SNTB2: variants seen among roughly 807,000 people sequenced by gnomAD.
The protein encoded by SNTB2 is syntrophin beta 2, also known as beta-2-syntrophin.
In SNTB2, 34 loss-of-function variants were observed where a neutral mutation model predicts 46.2. The ratio of observed to expected loss-of-function variants is 0.74; its 90% CI spans 0.56 to 0.98. The LOEUF is 0.98. SNTB2 is among the 50% of genes least tolerant of loss of function. The pLI is 0.00. For missense variants in SNTB2, 603 were observed against 731.4 expected (o/e 0.82, Z 2.02); for synonymous variants, 290 against 312.6 (o/e 0.93, Z 0.76).
chr16:69,259,634 C>T (rs1362156306), intron 2 of SNTB2, among the ~76,000 whole-genome samples: 2 of 138,802 alleles, frequency 1.4e-5, no homozygotes, highest in South Asian at 2.3e-4. Context: ...GACGGAATCT[C>T]GCTCTGTCGC....
At position 69,187,227 on chromosome 16, in the gene SNTB2, C is replaced by A; in HGVS notation, c.61C>A (p.Arg21=). The part of the protein sequence containing the change: ...GAGPAMAVWT[R]ATKAGLVELL... ...GGGGCCGGCCATGGCGGTGTGGACG[C>A]GGGCCACCAAAGCGGGGCTGGTGGA... is the stretch of plus-strand genomic sequence containing the variant. The change falls in exon 1 of 7, where the codon CGG becomes AGG. Residue 21 remains arginine (R), a synonymous_variant. Coordinates refer to ENST00000336278, the MANE Select transcript of SNTB2 (RefSeq NM_006750.4). The A allele has an allele frequency of 6.9e-7, 1 of 1,446,458 alleles. No homozygotes were observed. The highest frequency in any genetic ancestry group is 9.1e-7 in the Non-Finnish European group (1 of 1,101,268). The allele number at this position is 1,446,458 out of a possible 1,614,324, so 89.6% of individuals were successfully genotyped here. A position where few individuals can be genotyped will look rare whatever the true frequency, so the allele number is the denominator to read the frequency against.
intron 1 of SNTB2, among the ~76,000 whole-genome samples, chr16:69,220,678 C>G (rs1251103531): frequency 3.3e-5 from 5 of 152,010 alleles, no homozygotes; most frequent in Non-Finnish European, 5.9e-5. Flanking sequence ...AAGATGCATG[C>G]CACCACATGC....
intron 1 of SNTB2, among the ~76,000 whole-genome samples, chr16:69,203,892 AATTATT>A (rs368539801): frequency 1.2e-4 from 18 of 150,768 alleles, no homozygotes; most frequent in African/African-American, 2.9e-4. Flanking sequence ...TCAGCCTCCC[AATTATT>A]ATTATTATTT....
chr16:69,256,996 C>G (rs1333265192), intron 2 of SNTB2, among the ~76,000 whole-genome samples: 2 of 151,958 alleles, frequency 1.3e-5, no homozygotes, highest in Non-Finnish European at 2.9e-5. Flanking sequence ...ATGGTGAAAC[C>G]CTGTCTCTAC....
intron 1 of SNTB2, chr16:69,235,583 G>C (rs775112788): frequency 6.6e-5 from 44 of 670,448 alleles, no homozygotes; most frequent in South Asian, 6.7e-5. Flanking sequence ...AGACCAAAGT[G>C]GGGGAGGGGG....
At chr16:69,264,049 C>T (rs552178915) in intron 3 of SNTB2, among the ~76,000 whole-genome samples, 5 of 151,906 alleles carry the variant, frequency 3.3e-5, no homozygotes, top group South Asian at 2.1e-4. Context: ...TCCTCTCTCC[C>T]GCCTCCCAAA....
At chr16:69,199,259 G>C (rs1964136580) in intron 1 of SNTB2, among the ~76,000 whole-genome samples, 3 of 152,142 alleles carry the variant, frequency 2.0e-5, no homozygotes, top group South Asian at 4.1e-4. Context: ...TGATGATTCA[G>C]ATGGAACCTC....
intron 5 of SNTB2, among the ~76,000 whole-genome samples, chr16:69,287,785 G>C (rs1009189483): frequency 2.0e-5 from 3 of 151,966 alleles, no homozygotes; most frequent in Admixed American, 6.6e-5. Flanking sequence ...CTTGAACCTG[G>C]GAGGCGGAGT....
chr16:69,221,605 C>T (rs1382268461), intron 1 of SNTB2, among the ~76,000 whole-genome samples: 3 of 152,056 alleles, frequency 2.0e-5, no homozygotes, highest in African/African-American at 7.2e-5. Flanking sequence ...GCAAAACCCC[C>T]TCTCTCCTAA....
At chr16:69,262,780 G>A (rs1173171869) in intron 3 of SNTB2, among the ~76,000 whole-genome samples, 3 of 151,950 alleles carry the variant, frequency 2.0e-5, no homozygotes, top group Admixed American at 6.6e-5. Context: ...AAGTTCAAGC[G>A]ATTCCCCTGC....
chr16:69,206,765 T>A (rs1182148908), intron 1 of SNTB2, among the ~76,000 whole-genome samples: 1 of 151,952 alleles, frequency 6.6e-6, no homozygotes, highest in Non-Finnish European at 1.5e-5. Flanking sequence ...TTTTTATTTT[T>A]ATATACTTAT....
intron 5 of SNTB2, among the ~76,000 whole-genome samples, chr16:69,299,204 G>T (rs1020448647): frequency 2.7e-5 from 4 of 150,350 alleles, no homozygotes; most frequent in Non-Finnish European, 5.9e-5. Flanking sequence ...GTGCAGTGGT[G>T]CAATCTTGGC....
intron 5 of SNTB2, among the ~76,000 whole-genome samples, chr16:69,295,449 C>T (rs1965214701): frequency 6.6e-6 from 1 of 151,410 alleles, no homozygotes; most frequent in South Asian, 2.1e-4. Context: ...AGGGTTTCAC[C>T]ATATTGGCCA....
At chr16:69,265,830 GAAAAAAAA>G (rs762058012) in intron 3 of SNTB2, among the ~76,000 whole-genome samples, 4 of 67,502 alleles carry the variant, frequency 5.9e-5, no homozygotes, top group East Asian at 4.5e-4. Context: ...CCGTGCCAAA[GAAAAAAAA>G]AAAAAAAAAA....
intron 4 of SNTB2, among the ~76,000 whole-genome samples, chr16:69,281,371 A>G (rs574022350): frequency 6.6e-6 from 1 of 151,868 alleles, no homozygotes; most frequent in Admixed American, 6.6e-5. Flanking sequence ...AGCTGGGATT[A>G]CAGGCGTCCA....
intron 1 of SNTB2, among the ~76,000 whole-genome samples, chr16:69,243,045 A>G (rs1422568532): frequency 6.6e-6 from 1 of 151,026 alleles, no homozygotes; most frequent in African/African-American, 2.4e-5. Flanking sequence ...AAAAAAAGGG[A>G]TACATGAATG....
chr16:69,221,672 A>G (rs906825102), intron 1 of SNTB2, among the ~76,000 whole-genome samples: 6 of 152,172 alleles, frequency 3.9e-5, no homozygotes, highest in Admixed American at 1.3e-4. Context: ...GCTCCTCGGG[A>G]GGCTGAGACA....
At chr16:69,239,477 T>G (rs1000189970) in intron 1 of SNTB2, among the ~76,000 whole-genome samples, 1 of 152,216 alleles carries the variant, frequency 6.6e-6, no homozygotes, top group Non-Finnish European at 1.5e-5. Flanking sequence ...TCTGTTGTGC[T>G]ATCCCTTTAT....
At chr16:69,235,640 A>G in intron 1 of SNTB2, 6 of 1,192,958 alleles carry the variant, frequency 5.0e-6, no homozygotes, top group Non-Finnish European at 6.4e-6. Flanking sequence ...TGGGGAGCAG[A>G]AAGAAAGAAA....
Sources: allele counts gnomAD v4.1 joint callset (sites outside exome capture counted in the v4.1 genomes callset), GRCh38; gene constraint gnomAD v4.1.1; transcripts MANE v1.5; gene names NCBI Gene and HGNC (gene_info 2026-07-23, HGNC 2026-07-21).